The following NTN4 variants were observed in gnomAD, a reference collection of about 807,000 sequenced individuals.
NTN4 encodes the protein netrin 4, also known as netrin-4.
A neutral mutation model predicts 73.6 loss-of-function variants in NTN4; 32 were observed. That is an observed-to-expected ratio of 0.44 (90% CI 0.33 to 0.58). NTN4 has a LOEUF of 0.58. Ranked by LOEUF, NTN4 falls within the 20% of genes least tolerant of loss-of-function variation. The pLI, the probability that NTN4 is intolerant of heterozygous loss-of-function variation, is 0.04. For missense variants in NTN4, 654 were observed against 798.3 expected, an observed-to-expected ratio of 0.82 and a Z score of 2.18; for synonymous variants, 258 against 287.5, an observed-to-expected ratio of 0.90 and a Z score of 1.04.
intron 3 of NTN4, among the ~76,000 whole-genome samples, chr12:95,714,937 C>CCTGAAT (rs1344567193): frequency 6.6e-6 from 1 of 152,130 alleles, no homozygotes; most frequent in African/African-American, 2.4e-5. Flanking sequence ...GTTCAACAAA[C>CCTGAAT]CTGAAAACAG....
intron 2 of NTN4, among the ~76,000 whole-genome samples, chr12:95,753,303 T>A (rs1323237528): frequency 1.3e-5 from 2 of 148,786 alleles, no homozygotes; most frequent in Non-Finnish European, 3.0e-5. Flanking sequence ...GCTATTCTAC[T>A]ACTCCTCAGG....
At chr12:95,689,555 T>TG (rs34818640) in intron 5 of NTN4, among the ~76,000 whole-genome samples, 1 of 152,192 alleles carries the variant, frequency 6.6e-6, no homozygotes, top group African/African-American at 2.4e-5. Context: ...TTCAACCATT[T>TG]GGGGGGATTA....
At chr12:95,687,946 T>C (rs962116313) in intron 5 of NTN4, among the ~76,000 whole-genome samples, 5 of 151,944 alleles carry the variant, frequency 3.3e-5, no homozygotes, top group African/African-American at 1.2e-4. Context: ...TGTGCCTGAG[T>C]GTACACTGAG....
At chr12:95,764,536 G>T (rs975826964) in intron 2 of NTN4, among the ~76,000 whole-genome samples, 4 of 152,070 alleles carry the variant, frequency 2.6e-5, no homozygotes, top group Non-Finnish European at 5.9e-5. Context: ...ATGGCGTCAG[G>T]CACCTGTAAT....
At chr12:95,707,358 C>T (rs983264941) in intron 5 of NTN4, among the ~76,000 whole-genome samples, 7 of 152,108 alleles carry the variant, frequency 4.6e-5, no homozygotes, top group Non-Finnish European at 8.8e-5. Flanking sequence ...TGTCTTAAGA[C>T]GTTCACTTTA....
intron 2 of NTN4, among the ~76,000 whole-genome samples, chr12:95,755,636 G>C (rs1236554394): frequency 1.3e-5 from 2 of 152,146 alleles, no homozygotes; most frequent in African/African-American, 4.8e-5. Flanking sequence ...TTCTGAGATA[G>C]GACAATATAA....
intron 2 of NTN4, among the ~76,000 whole-genome samples, chr12:95,751,377 A>G (rs1592703571): frequency 6.6e-6 from 1 of 152,178 alleles, no homozygotes; most frequent in Non-Finnish European, 1.5e-5. Flanking sequence ...TCTCCAGCAC[A>G]CAAGAACTTC....
intron 2 of NTN4, among the ~76,000 whole-genome samples, chr12:95,747,658 T>G (rs1009166742): frequency 1.3e-5 from 2 of 152,046 alleles, no homozygotes; most frequent in Non-Finnish European, 2.9e-5. Flanking sequence ...TCCTTATATA[T>G]CCCCAACATC....
At position 95,691,508 on chromosome 12, in the gene NTN4, G is replaced by A. The variant is rs12313307; in HGVS notation, c.1181-7797C>T. 3.6e-3 allele frequency among the ~76,000 whole-genome samples: 543 copies of A among 152,294 alleles called. 5 individuals carry two copies. The highest frequency in any genetic ancestry group is 0.012 in the African/African-American group (514 of 41,562). ...CCTCCCAGGTTCAAGCTATTCTCAT[G>A]CCTCAGCCTCCTGAGTAGCTGGGAT... On this transcript the variant is annotated intron_variant, in intron 5 of 9. Transcript: ENST00000343702.
chr12:95,704,958 C>G (rs755999098), intron 5 of NTN4, among the ~76,000 whole-genome samples: 10 of 152,154 alleles, frequency 6.6e-5, no homozygotes, highest in Non-Finnish European at 1.2e-4. Context: ...TGGTTATTTT[C>G]ATAATTTTCC....
intron 5 of NTN4, among the ~76,000 whole-genome samples, chr12:95,688,335 G>C (rs1050567643): frequency 2.6e-5 from 4 of 152,002 alleles, no homozygotes; most frequent in Non-Finnish European, 5.9e-5. Context: ...AGTTGTTGAG[G>C]GACAAATAGA....
intron 5 of NTN4, among the ~76,000 whole-genome samples, chr12:95,697,437 T>C (rs2078450858): frequency 6.6e-6 from 1 of 152,198 alleles, no homozygotes; most frequent in African/African-American, 2.4e-5. Context: ...TCTGACAATA[T>C]TTATCATCTT....
intron 3 of NTN4, among the ~76,000 whole-genome samples, chr12:95,733,135 G>A (rs2078750725): frequency 6.6e-6 from 1 of 152,194 alleles, no homozygotes; most frequent in Admixed American, 6.5e-5. Flanking sequence ...TTATCCAGTG[G>A]ATGATAATTG....
chr12:95,771,135 G>A (rs1238999865), intron 2 of NTN4, among the ~76,000 whole-genome samples: 2 of 152,026 alleles, frequency 1.3e-5, no homozygotes, highest in South Asian at 2.1e-4. Flanking sequence ...GACTACAGGC[G>A]CCTGCTACCA....
intron 3 of NTN4, among the ~76,000 whole-genome samples, chr12:95,732,103 T>G (rs1023274343): frequency 2.0e-5 from 3 of 152,224 alleles, no homozygotes; most frequent in Non-Finnish European, 4.4e-5. Context: ...TGTTTTACCA[T>G]ATGAAGTATT....
chr12:95,682,057 C>CTTTGTTTTTTTTTTTTT (rs2078320437), intron 7 of NTN4, among the ~76,000 whole-genome samples: 1 of 64,546 alleles, frequency 1.5e-5, no homozygotes, highest in Non-Finnish European at 2.6e-5. Context: ...ATTCAGTAGG[C>CTTTGTTTTTTTTTTTTT]TTTTTTTTTT....
In NTN4 at chr12:95,781,232, G is replaced by A. The variant is rs1353312201; in HGVS notation, c.585+5707C>T. On this transcript the variant is annotated intron_variant, in intron 2 of 9. Transcript: ENST00000343702. The surrounding 1 kb of genome is among the most constrained non-coding windows in gnomAD (Gnocchi z 4.1). Reference sequence around the variant, plus strand: ...ACGAGTTAATGGGTGCAGCACACCAGCATGGCACATGTATACATATGTAAC... The same window carrying A: ...ACGAGTTAATGGGTGCAGCACACCAACATGGCACATGTATACATATGTAAC... Among the ~76,000 whole-genome samples the A allele has an allele frequency of 1.3e-5, 2 of 152,102 alleles. No homozygotes were observed.
intron 7 of NTN4, among the ~76,000 whole-genome samples, chr12:95,672,074 A>C (rs2078234907): frequency 7.6e-6 from 1 of 131,160 alleles, no homozygotes; most frequent in South Asian, 2.5e-4. Flanking sequence ...TAATCCCAGC[A>C]CTTTGGGAGG....
intron 5 of NTN4, among the ~76,000 whole-genome samples, chr12:95,697,962 C>T (rs1427690950): frequency 6.6e-6 from 1 of 152,168 alleles, no homozygotes; most frequent in Non-Finnish European, 1.5e-5. Context: ...AGCAATACAA[C>T]AATACAACTA....
Sources: gnomAD v4.1 joint callset for allele counts (sites outside exome capture counted in the v4.1 genomes callset) on GRCh38, gnomAD v4.1.1 for gene constraint, Gnocchi (gnomAD v3.1) non-coding constraint, MANE v1.5 for transcripts, NCBI Gene and HGNC (gene_info 2026-07-23, HGNC 2026-07-21) for gene names.